The following CNN3 variants were observed in gnomAD, a reference collection of about 807,000 sequenced individuals.
The protein encoded by CNN3 is calponin 3, also known as calponin-3.
In CNN3, 11 loss-of-function variants were observed where a neutral mutation model predicts 39.0. That is an observed-to-expected ratio of 0.28 (90% CI 0.18 to 0.47). The LOEUF is 0.47. Ranked by LOEUF, CNN3 falls within the 20% of genes least tolerant of loss-of-function variation. The probability of loss-of-function intolerance (pLI) is 0.99; values close to 1 mark genes in which losing one functional copy is unlikely to be tolerated. For missense variants in CNN3, 266 were observed against 403.4 expected (o/e 0.66, Z 2.92); for synonymous variants, 101 against 138.3 (o/e 0.73, Z 1.89).
intron 1 of CNN3, among the ~76,000 whole-genome samples, chr1:94,906,492 C>T (rs1299086252): frequency 6.6e-6 from 1 of 151,876 alleles, no homozygotes; most frequent in Non-Finnish European, 1.5e-5. Context: ...AAAGTGAGGG[C>T]GTTCTCAACT....
intron 3 of CNN3, 76 bp from the exon 4 acceptor site, chr1:94,902,334 A>C: frequency 2.3e-6 from 3 of 1,325,836 alleles, no homozygotes; most frequent in Non-Finnish European, 3.1e-6. Context: ...CCAAGTCTTC[A>C]TAAACAGTTA....
At chr1:94,913,124 C>T (rs1671206773) in intron 1 of CNN3, among the ~76,000 whole-genome samples, 1 of 152,176 alleles carries the variant, frequency 6.6e-6, no homozygotes, top group Non-Finnish European at 1.5e-5. Context: ...TATGTCAAAT[C>T]CTGCCCCAAA....
chr1:94,907,342 A>C (rs1291061947), intron 1 of CNN3, among the ~76,000 whole-genome samples: 1 of 152,218 alleles, frequency 6.6e-6, no homozygotes, highest in East Asian at 1.9e-4. Context: ...GGCCAGCTAA[A>C]CAGCATTATC....
chr1:94,926,965 G>T lies in CNN3; in HGVS notation c.-71C>A. The stretch of plus-strand genomic sequence containing the variant: ...CTCGCACTTCGCTTCCCCGCTCCTG[G>T]CCCCGAGGAGTGGCCGCCGCGGGGG... On this transcript the variant is annotated 5_prime_UTR_variant, in exon 1 of 7. Coordinates refer to ENST00000370206, the MANE Select transcript of CNN3 (RefSeq NM_001839.5). This position sits in a 1 kb window ranked among gnomAD's most constrained non-coding sequence, Gnocchi z 4.2. 1 of 1,521,940 alleles carries T rather than the reference G, an allele frequency of 6.6e-7. No homozygotes were observed. The highest frequency in any genetic ancestry group is 9.0e-7 in the Non-Finnish European group (1 of 1,114,426). 94.3% of individuals were successfully genotyped at this position (1,521,940 alleles called of 1,614,324 possible). A position where few individuals can be genotyped will look rare whatever the true frequency, so the allele number is the denominator to read the frequency against.
chr1:94,906,752 A>T (rs1359820510), intron 1 of CNN3, among the ~76,000 whole-genome samples: 1 of 152,248 alleles, frequency 6.6e-6, no homozygotes, highest in Non-Finnish European at 1.5e-5. Context: ...TCAAATGTAG[A>T]GAAAAATTAT....
At position 94,910,465 on chromosome 1, in the gene CNN3, T is replaced by C. The variant is rs993327913; in HGVS notation, c.58-6941A>G. 3.6e-5 allele frequency among the ~76,000 whole-genome samples: 5 copies of C among 138,336 alleles called. No individual in the cohort carries two copies. The Admixed American group carries it at 3.6e-4, about 10-fold the overall frequency. The allele number at this position is 138,336 out of a possible 152,430, so 90.8% of individuals were successfully genotyped here. A position where few individuals can be genotyped will look rare whatever the true frequency, so the allele number is the denominator to read the frequency against. On this transcript the variant is annotated intron_variant, in intron 1 of 6. Coordinates refer to ENST00000370206, the MANE Select transcript of CNN3 (RefSeq NM_001839.5). ...AAAATAGGAACCAAATAGATTTCCATCTCAAGTATCAAGATTCCTCCTCTC... is the reference window on the plus strand; with the variant it reads ...AAAATAGGAACCAAATAGATTTCCACCTCAAGTATCAAGATTCCTCCTCTC...
intron 1 of CNN3, among the ~76,000 whole-genome samples, chr1:94,913,400 C>T (rs1671212097): frequency 1.3e-5 from 2 of 152,152 alleles, no homozygotes; most frequent in Admixed American, 1.3e-4. Flanking sequence ...GATTAGAATC[C>T]TTCTTCTACA....
chr1:94,911,845 G>A (rs1274119971), intron 1 of CNN3, among the ~76,000 whole-genome samples: 1 of 152,150 alleles, frequency 6.6e-6, no homozygotes, highest in Non-Finnish European at 1.5e-5. Flanking sequence ...CGAGGCAGAT[G>A]GATCACCTGA....
At position 94,897,311 on chromosome 1, in the gene CNN3, CCA is replaced by C. The variant is rs1670748083; in HGVS notation, c.*429_*430del. ...GCATCTTAAATTTAGTTGGCAAAGA[CCA>C]CATTTAGCAATAAGCATGAGTTTAG... On this transcript the variant is annotated 3_prime_UTR_variant, in exon 7 of 7. Transcript: ENST00000370206. The C allele has an allele frequency of 2.0e-5, 3 of 151,222 alleles. No homozygotes were observed. Among genetic ancestry groups the C allele is most frequent in the African/African-American group, 7.6e-5 (3 of 39,572 alleles). 9.4% of individuals were successfully genotyped at this position (151,222 alleles called of 1,614,324 possible).
chr1:94,925,863 T>C lies in CNN3; in HGVS notation c.57+975A>G, dbSNP rs575833600. ...CGTTCTGTGCACAGTTCCGCGCCGATTGGCTGGTCTCTCCCCCCAGAAACC... is the reference window on the plus strand; with the variant it reads ...CGTTCTGTGCACAGTTCCGCGCCGACTGGCTGGTCTCTCCCCCCAGAAACC... On this transcript the variant is annotated intron_variant, in intron 1 of 6. Transcript: ENST00000370206. 11 of 975,582 alleles carry C rather than the reference T, an allele frequency of 1.1e-5. No homozygotes were observed. In the East Asian group the frequency reaches 1.1e-3, roughly 101 times the overall value. 60.4% of individuals were successfully genotyped at this position (975,582 alleles called of 1,614,324 possible).
At position 94,897,178 on chromosome 1, in the gene CNN3, T is replaced by A. The variant is rs1670745877; in HGVS notation, c.*564A>T. Reference sequence around the variant, plus strand: ...CTCTGAAAAGATCTTGTTCGCTAGGTAAGAGAATGAGTACACATATAATCA... The same window carrying A: ...CTCTGAAAAGATCTTGTTCGCTAGGAAAGAGAATGAGTACACATATAATCA... On this transcript the variant is annotated 3_prime_UTR_variant, in exon 7 of 7. Coordinates refer to ENST00000370206, the MANE Select transcript of CNN3 (RefSeq NM_001839.5). 1 of 152,876 alleles carries A rather than the reference T, an allele frequency of 6.5e-6. No individual in the cohort carries two copies. The highest frequency in any genetic ancestry group is 2.1e-4 in the South Asian group (1 of 4,840). 9.5% of individuals were successfully genotyped at this position (152,876 alleles called of 1,614,324 possible).
intron 1 of CNN3, among the ~76,000 whole-genome samples, chr1:94,908,816 C>T (rs755534340): frequency 4.6e-5 from 7 of 150,924 alleles, no homozygotes; most frequent in Admixed American, 6.7e-5. Flanking sequence ...GCTGGGATTA[C>T]GCCCAGCCAA....
At chr1:94,898,206 G>T in intron 6 of CNN3, 123 bp from the exon 7 acceptor site, 1 of 1,032,528 alleles carries the variant, frequency 9.7e-7, no homozygotes, top group Non-Finnish European at 1.4e-6. Context: ...ATTTGGTTCA[G>T]GGGTAAAGCT....
chr1:94,917,177 C>G (rs1298043996), intron 1 of CNN3, among the ~76,000 whole-genome samples: 1 of 152,182 alleles, frequency 6.6e-6, no homozygotes, highest in Non-Finnish European at 1.5e-5. Context: ...GCTGGGATTA[C>G]AGGCATGCGC....
In CNN3 at chr1:94,897,753, T is replaced by C; in HGVS notation, c.979A>G (p.Ile327Val). 6.2e-7 allele frequency: 1 copy of C among 1,613,044 alleles called. No individual in the cohort carries two copies. Among genetic ancestry groups the C allele is most frequent in the South Asian group, 1.1e-5 (1 of 91,040 alleles). Residue 327 changes from isoleucine to valine, a missense_variant, in exon 7 of 7, where the codon ATT (isoleucine) becomes GTT (valine). Transcript: ENST00000370206. ...CCTTCTGTGTGGATCTAATAATCAA[T>C]GCCTTGGTCGCTATATTGGTAATCT... ...PRDYQYSDQG[I>V]DY is the part of the protein sequence containing the mutation.
chr1:94,917,665 G>T (rs1324711349), intron 1 of CNN3, among the ~76,000 whole-genome samples: 1 of 152,166 alleles, frequency 6.6e-6, no homozygotes, highest in Non-Finnish European at 1.5e-5. Context: ...ATATCCACCA[G>T]CAGGGAAGCA....
intron 5 of CNN3, among the ~76,000 whole-genome samples, chr1:94,900,107 A>T (rs963764960): frequency 1.3e-5 from 2 of 152,190 alleles, no homozygotes; most frequent in African/African-American, 4.8e-5. Context: ...AACAATAATT[A>T]ATTTTTCTTC....
chr1:94,920,380 G>A (rs1671413238), intron 1 of CNN3, among the ~76,000 whole-genome samples: 1 of 152,152 alleles, frequency 6.6e-6, no homozygotes, highest in Admixed American at 6.5e-5. Context: ...AAACAGATTC[G>A]TGAATGAATA....
chr1:94,918,136 T>C (rs149575523), intron 1 of CNN3, among the ~76,000 whole-genome samples: 1 of 152,222 alleles, frequency 6.6e-6, no homozygotes, highest in East Asian at 1.9e-4. Flanking sequence ...TATATCCAAA[T>C]GTACCCACCA....
Sources: gnomAD v4.1 joint callset for allele counts (sites outside exome capture counted in the v4.1 genomes callset) on GRCh38, gnomAD v4.1.1 for gene constraint, Gnocchi (gnomAD v3.1) non-coding constraint, MANE v1.5 for transcripts, NCBI Gene and HGNC (gene_info 2026-07-23, HGNC 2026-07-21) for gene names.